Variants in PCDHGA4 observed in about 807,000 individuals in gnomAD.
PCDHGA4 encodes protocadherin gamma subfamily A, 4, also known as protocadherin gamma-A4.
Under a neutral mutation model 54.6 loss-of-function variants are expected in PCDHGA4, and 38 were observed. That is an observed-to-expected ratio of 0.70 (90% CI 0.54 to 0.91). The LOEUF is 0.91. PCDHGA4 is among the 40% of genes least tolerant of loss of function. The pLI is 0.00. For synonymous variants in PCDHGA4, 511 were observed against 512.9 expected (o/e 1.00, Z 0.05); for missense variants, 1,298 against 1,220.9 (o/e 1.06, Z -0.94).
intron 1 of PCDHGA4, among the ~76,000 whole-genome samples, chr5:141,475,204 A>G (rs2099360413): frequency 6.6e-6 from 1 of 152,176 alleles, no homozygotes; most frequent in African/African-American, 2.4e-5. Flanking sequence ...AGATCTTGGG[A>G]AAAGGATTGA....
chr5:141,397,602 G>T (rs2150712888), intron 1 of PCDHGA4, among the ~76,000 whole-genome samples: 1 of 152,296 alleles, frequency 6.6e-6, no homozygotes, highest in African/African-American at 2.4e-5. Flanking sequence ...TATTGCCAGT[G>T]ACAAGGGCAA....
chr5:141,445,446 G>T (rs2098467238), intron 1 of PCDHGA4, among the ~76,000 whole-genome samples: 1 of 152,264 alleles, frequency 6.6e-6, no homozygotes, highest in Admixed American at 6.5e-5. Flanking sequence ...ATGGACTAAG[G>T]ATGCAGCAAT....
In PCDHGA4 at chr5:141,502,866, CT is replaced by C. The variant is rs549047197; in HGVS notation, c.2574-2513del. Among the ~76,000 whole-genome samples the C allele has an allele frequency of 2.5e-3, 324 of 127,930 alleles. 1 individual carries two copies. Among genetic ancestry groups the C allele is most frequent in the Non-Finnish European group, 3.0e-3 (189 of 62,366 alleles). 83.9% of individuals were successfully genotyped at this position (127,930 alleles called of 152,430 possible). On this transcript the variant is annotated intron_variant, in intron 2 of 3. Transcript: ENST00000571252. ...GAGCTGCCTAACCCTGACTCTCTGT[CT>C]TTTTTTTTTTTTTGACAGGGAGTCT...
rs2099643895 is a variant in PCDHGA4 at position 141,487,385 on chromosome 5, C to T, written c.2515-7422C>T. 1.9e-6 allele frequency: 3 copies of T among 1,614,160 alleles called. No homozygotes were observed. The highest frequency in any genetic ancestry group is 1.1e-5 in the South Asian group (1 of 91,086). On this transcript the variant is annotated intron_variant, in intron 1 of 3. Transcript: ENST00000571252. This position sits in a 1 kb window ranked among gnomAD's most constrained non-coding sequence, Gnocchi z 5.0. Reference sequence around the variant, plus strand: ...CACCTGTGCCTGTCTCACCAGATCTCGAAGGAGGGAGGGGCTTCCCCCTTC... The same window carrying T: ...CACCTGTGCCTGTCTCACCAGATCTTGAAGGAGGGAGGGGCTTCCCCCTTC...
rs1012790217 is a variant in PCDHGA4 at position 141,432,087 on chromosome 5, C to T, written c.2515-62720C>T. On this transcript the variant is annotated intron_variant, in intron 1 of 3. Coordinates refer to ENST00000571252, the MANE Select transcript of PCDHGA4 (RefSeq NM_018917.4). This position sits in a 1 kb window ranked among gnomAD's most constrained non-coding sequence, Gnocchi z 6.0. ...GAAACTCATATCTCGCTGAACGTGG[C>T]AGACACCAACGACAACCCGCCGGTC... is the stretch of plus-strand genomic sequence containing the variant. The T allele has an allele frequency of 2.5e-6, 4 of 1,614,060 alleles. No homozygotes were observed. The African/African-American group carries it at 4.0e-5, about 16-fold the overall frequency.
At chr5:141,361,609 G>C in intron 1 of PCDHGA4, 2 of 1,613,956 alleles carry the variant, frequency 1.2e-6, no homozygotes, top group Middle Eastern at 1.6e-4. Flanking sequence ...CTACTCCATC[G>C]TAGCGAGCGA....
chr5:141,408,869 A>T, intron 1 of PCDHGA4: 1 of 1,613,690 alleles, frequency 6.2e-7, no homozygotes, highest in Non-Finnish European at 8.5e-7. Flanking sequence ...CCCACCAAGA[A>T]GTGCCACCGC....
chr5:141,500,460 C>T (rs1421637554), intron 2 of PCDHGA4, among the ~76,000 whole-genome samples: 2 of 152,234 alleles, frequency 1.3e-5, no homozygotes, highest in South Asian at 2.1e-4. Context: ...CCGCCCGCCT[C>T]GGCCTCCCAA....
At chr5:141,374,689 G>T in intron 1 of PCDHGA4, 2 of 1,609,578 alleles carry the variant, frequency 1.2e-6, no homozygotes, top group East Asian at 4.5e-5. Flanking sequence ...CACTGGACCG[G>T]GAAGGAGAAG....
Position 141,491,815 on chromosome 5 carries a change from C to T in PCDHGA4, c.2515-2992C>T. The T allele has an allele frequency of 6.7e-7, 1 of 1,485,264 alleles. No individual in the cohort carries two copies. Among genetic ancestry groups the T allele is most frequent in the African/African-American group, 1.4e-5 (1 of 70,622 alleles). The allele number at this position is 1,485,264 out of a possible 1,614,324, so 92.0% of individuals were successfully genotyped here. ...CCTCTCCGGCCGGCTTGGTCGCTGGCTGCGCTCCACCCGATTCTCGGGATC... is the reference window on the plus strand; with the variant it reads ...CCTCTCCGGCCGGCTTGGTCGCTGGTTGCGCTCCACCCGATTCTCGGGATC... On this transcript the variant is annotated intron_variant, in intron 1 of 3. Coordinates refer to ENST00000571252, the MANE Select transcript of PCDHGA4 (RefSeq NM_018917.4). This position sits in a 1 kb window ranked among gnomAD's most constrained non-coding sequence, Gnocchi z 6.9.
At chr5:141,370,322 C>T (rs1311185888) in intron 1 of PCDHGA4, 8 of 1,366,842 alleles carry the variant, frequency 5.9e-6, no homozygotes, top group Non-Finnish European at 7.0e-6. Context: ...GTTGGTCCTG[C>T]TCGGAGAACT....
intron 1 of PCDHGA4, chr5:141,393,190 T>C: frequency 6.2e-7 from 1 of 1,613,384 alleles, no homozygotes; most frequent in Non-Finnish European, 8.5e-7. Flanking sequence ...ATAATTGATA[T>C]TAACGATAAT....
At chr5:141,397,961 G>A in intron 1 of PCDHGA4, 1 of 1,038,400 alleles carries the variant, frequency 9.6e-7, no homozygotes, top group Non-Finnish European at 1.4e-6. Context: ...CCCCAGCTCA[G>A]ACTCCCCAGC....
At chr5:141,360,638 A>G in intron 1 of PCDHGA4, 1 of 1,614,016 alleles carries the variant, frequency 6.2e-7, no homozygotes, top group Non-Finnish European at 8.5e-7. Context: ...AACTCACTAC[A>G]AAGATACCAC....
intron 1 of PCDHGA4, among the ~76,000 whole-genome samples, chr5:141,445,784 G>A (rs2098477494): frequency 6.6e-6 from 1 of 152,168 alleles, no homozygotes; most frequent in Non-Finnish European, 1.5e-5. Flanking sequence ...GGGCTAGGGA[G>A]GCTAGAAACA....
chr5:141,376,351 G>C (rs1333788917), intron 1 of PCDHGA4: 31 of 1,614,060 alleles, frequency 1.9e-5, no homozygotes, highest in Non-Finnish European at 2.6e-5. Flanking sequence ...ATTCCCACGA[G>C]GTCTCACTCA....
intron 1 of PCDHGA4, chr5:141,418,133 C>T (rs758498780): frequency 2.5e-6 from 4 of 1,613,924 alleles, no homozygotes; most frequent in Non-Finnish European, 3.4e-6. Flanking sequence ...CCGAATAGAC[C>T]GTGAGCAAAT....
intron 1 of PCDHGA4, chr5:141,402,791 C>A: frequency 1.0e-6 from 1 of 998,930 alleles, no homozygotes; most frequent in Non-Finnish European, 1.4e-6. Context: ...TCTGCGGCTA[C>A]ACAAAACCCG....
Position 141,485,263 on chromosome 5 carries a change from G to A in PCDHGA4, c.2515-9544G>A. 1 of 1,614,162 alleles carries A rather than the reference G, an allele frequency of 6.2e-7. No individual in the cohort carries two copies. On this transcript the variant is annotated intron_variant, in intron 1 of 3. Transcript: ENST00000571252. This position sits in a 1 kb window ranked among gnomAD's most constrained non-coding sequence, Gnocchi z 5.7. ...ACCACCTGGGTTACGTTTGTGGGCA[G>A]ATCCGCTACCCGGTCCCAGAGGAGT...
Sources: gnomAD v4.1 joint callset for allele counts (sites outside exome capture counted in the v4.1 genomes callset) on GRCh38, gnomAD v4.1.1 for gene constraint, Gnocchi (gnomAD v3.1) non-coding constraint, MANE v1.5 for transcripts, NCBI Gene and HGNC (gene_info 2026-07-23, HGNC 2026-07-21) for gene names.